Variants in DAPK2 observed in about 807,000 individuals in gnomAD.
The protein encoded by DAPK2 is death associated protein kinase 2.
A neutral mutation model predicts 44.1 loss-of-function variants in DAPK2; 35 were observed. The ratio of observed to expected loss-of-function variants is 0.79; its 90% CI spans 0.61 to 1.05. The LOEUF (loss-of-function observed/expected upper bound fraction) is 1.05, where lower values mean the gene tolerates loss of function less well. Among genes scored for constraint, DAPK2 ranks in the 50% least tolerant of loss-of-function variants. The pLI is 0.00. For synonymous variants in DAPK2, 174 were observed against 182.6 expected (o/e 0.95, Z 0.38); for missense variants, 453 against 483.2 (o/e 0.94, Z 0.59).
chr15:63,982,250 A>G (rs1284896060), intron 2 of DAPK2, among the ~76,000 whole-genome samples: 4 of 132,028 alleles, frequency 3.0e-5, no homozygotes, highest in South Asian at 2.3e-4. Context: ...GAGTGCAGTG[A>G]TGCAATCTCG....
At chr15:64,043,129 G>C (rs377270264), upstream of DAPK2, among the ~76,000 whole-genome samples, 1 of 152,152 alleles carries the variant, frequency 6.6e-6, no homozygotes, top group African/African-American at 2.4e-5. Context: ...TCCTTCCATG[G>C]AAAATGAACG....
intron 1 of DAPK2, among the ~76,000 whole-genome samples, chr15:64,039,008 G>C (rs1469213279): frequency 6.6e-6 from 1 of 152,148 alleles, no homozygotes; most frequent in African/African-American, 2.4e-5. Context: ...CTCCCCATTA[G>C]AGCCTTCCCA....
At chr15:64,034,888 T>C (rs438427) in intron 1 of DAPK2, among the ~76,000 whole-genome samples, 125,229 of 152,180 alleles carry the variant, frequency 0.82, 51,845 homozygotes, top group East Asian at 0.92. Flanking sequence ...GAAAATCTGG[T>C]CAGGTGTGAT....
At position 63,917,821 on chromosome 15, in the gene DAPK2, AC is replaced by A. The variant is rs2078968327; in HGVS notation, c.859-5625del. 6.6e-6 allele frequency: 1 copy of A among 151,886 alleles called. No individual in the cohort carries two copies. Among genetic ancestry groups the A allele is most frequent in the Non-Finnish European group, 1.5e-5 (1 of 67,966 alleles). The allele number at this position is 151,886 out of a possible 1,614,324, so 9.4% of individuals were successfully genotyped here. On this transcript the variant is annotated intron_variant, in intron 8 of 10. Transcript: ENST00000261891. The surrounding 1 kb of genome is among the most constrained non-coding windows in gnomAD (Gnocchi z 4.4). ...CCTGGGAAGGCCTCTCTTCTCTGCA[AC>A]CCTCTTACCCTTTCTCAATCAGAAT...
chr15:63,940,291 T>C (rs1309999760), intron 3 of DAPK2, among the ~76,000 whole-genome samples: 3 of 151,046 alleles, frequency 2.0e-5, no homozygotes, highest in East Asian at 1.9e-4. Flanking sequence ...ATATTCCCAA[T>C]ATCCCTGAAG....
At chr15:63,930,292 A>C in intron 5 of DAPK2, 115 bp downstream of exon 6, 1 of 1,034,622 alleles carries the variant, frequency 9.7e-7, no homozygotes, top group South Asian at 1.3e-5. Context: ...GGCTCTGAAC[A>C]GTGAGTGTGG....
chr15:63,949,017 C>G (rs2077521839), intron 3 of DAPK2, among the ~76,000 whole-genome samples: 1 of 152,220 alleles, frequency 6.6e-6, no homozygotes, highest in Non-Finnish European at 1.5e-5. Context: ...CTCCCCTCCT[C>G]TAGCTGATGC....
chr15:63,933,968 C>A (rs1193585660), intron 4 of DAPK2, among the ~76,000 whole-genome samples: 1 of 152,140 alleles, frequency 6.6e-6, no homozygotes, highest in East Asian at 1.9e-4. Context: ...ATCTGAGATA[C>A]ATACACTTTT....
chr15:63,947,029 C>T (rs186770560), intron 3 of DAPK2, among the ~76,000 whole-genome samples: 6 of 150,540 alleles, frequency 4.0e-5, no homozygotes, highest in African/African-American at 7.3e-5. Context: ...ATGCCCAATA[C>T]GTGCCTCTGT....
At chr15:63,949,984 T>C (rs1323068738) in intron 3 of DAPK2, among the ~76,000 whole-genome samples, 1 of 152,252 alleles carries the variant, frequency 6.6e-6, no homozygotes, top group Non-Finnish European at 1.5e-5. Context: ...AAGACTTCCA[T>C]GCTGTGACTG....
In DAPK2 at chr15:63,939,450, C is replaced by A; in HGVS notation, c.454-89G>T. On this transcript the variant is annotated intron_variant, in intron 3 of 10. Coordinates refer to ENST00000261891, the Ensembl canonical transcript of DAPK2. This position sits in a 1 kb window ranked among gnomAD's most constrained non-coding sequence, Gnocchi z 4.3. ...AAAGGCTGGTTGGTTCGTGTTTTGG[C>A]TTTGGGGTTTGGGGTGGGACTTGGT... 7 of 1,385,244 alleles carry A rather than the reference C, an allele frequency of 5.1e-6. No homozygotes were observed. Among genetic ancestry groups the A allele is most frequent in the Middle Eastern group, 1.9e-4 (1 of 5,252 alleles). 85.8% of individuals were successfully genotyped at this position (1,385,244 alleles called of 1,614,324 possible). A position where few individuals can be genotyped will look rare whatever the true frequency, so the allele number is the denominator to read the frequency against.
intron 1 of DAPK2, among the ~76,000 whole-genome samples, chr15:63,984,216 G>A (rs905934687): frequency 1.3e-5 from 2 of 152,116 alleles, no homozygotes; most frequent in Non-Finnish European, 2.9e-5. Context: ...CAGAGGACTT[G>A]GTATAAACAG....
chr15:63,940,048 G>A (rs1159953048), intron 3 of DAPK2, among the ~76,000 whole-genome samples: 2 of 152,176 alleles, frequency 1.3e-5, no homozygotes, highest in African/African-American at 2.4e-5. Context: ...CAGGGTAGGG[G>A]ACAGCCCCTC....
At chr15:63,994,843 G>T (rs933122113) in intron 1 of DAPK2, among the ~76,000 whole-genome samples, 4 of 151,976 alleles carry the variant, frequency 2.6e-5, no homozygotes, top group African/African-American at 9.7e-5. Context: ...GCCCACCTCA[G>T]CCTCCCAAAG....
Position 63,971,596 on chromosome 15 carries a change from G to C in DAPK2, c.315-35C>G, listed in dbSNP as rs7180057. 5 of 1,608,130 alleles carry C rather than the reference G, an allele frequency of 3.1e-6. No homozygotes were observed. The African/African-American group carries it at 6.7e-5, about 22-fold the overall frequency. On this transcript the variant is annotated intron_variant, in intron 2 of 10. Transcript: ENST00000261891. ...ACCAGCGGGGGGAGGGGAGGCCCAG[G>C]CCCAGTCAGCTCTGCATGTCATGAG... is the stretch of plus-strand genomic sequence containing the variant.
intron 8 of DAPK2, among the ~76,000 whole-genome samples, chr15:63,913,130 T>C (rs1260736209): frequency 6.6e-6 from 1 of 152,184 alleles, no homozygotes; most frequent in African/African-American, 2.4e-5. Context: ...TGATTCAATT[T>C]ATATAAAATG....
At chr15:63,976,222 A>G (rs534032219) in intron 2 of DAPK2, among the ~76,000 whole-genome samples, 1 of 152,354 alleles carries the variant, frequency 6.6e-6, no homozygotes, top group Non-Finnish European at 1.5e-5. Context: ...GTGCTGTCCA[A>G]TAGAGTAGCC....
chr15:63,997,326 ATTTAT>A (rs990285794), intron 1 of DAPK2, among the ~76,000 whole-genome samples: 1 of 152,094 alleles, frequency 6.6e-6, no homozygotes, highest in Non-Finnish European at 1.5e-5. Context: ...CCCAGCTGCA[ATTTAT>A]TTTATTTTAT....
intron 1 of DAPK2, among the ~76,000 whole-genome samples, chr15:64,003,038 TA>T (rs2079139417): frequency 8.1e-6 from 1 of 122,956 alleles, no homozygotes; most frequent in African/African-American, 3.1e-5. Flanking sequence ...GGTGGTGGGG[TA>T]GTGTTAAGAC....
Sources: allele counts gnomAD v4.1 joint callset (sites outside exome capture counted in the v4.1 genomes callset), GRCh38; gene constraint gnomAD v4.1.1; non-coding constraint Gnocchi (gnomAD v3.1); transcripts MANE v1.5; gene names NCBI Gene and HGNC (gene_info 2026-07-23, HGNC 2026-07-21).